The following AFDN variants were observed in gnomAD, a reference collection of about 807,000 sequenced individuals.
The protein encoded by AFDN is afadin, adherens junction formation factor, also known as afadin.
AFDN carries 68 observed loss-of-function variants against 216.6 expected under a neutral mutation model. The observed-to-expected ratio is 0.31, with a 90% CI of 0.26 to 0.38. The LOEUF is 0.38. AFDN is among the 10% of genes least tolerant of loss of function. The probability of loss-of-function intolerance (pLI) is 1.00; values close to 1 mark genes in which losing one functional copy is unlikely to be tolerated. For synonymous variants in AFDN, 868 were observed against 853.7 expected (o/e 1.02, Z -0.29); for missense variants, 2,136 against 2,342.0 (o/e 0.91, Z 1.82).
intron 7 of AFDN, among the ~76,000 whole-genome samples, chr6:167,889,550 C>T (rs1388458312): frequency 1.3e-5 from 2 of 148,258 alleles, no homozygotes; most frequent in African/African-American, 5.0e-5. Flanking sequence ...TCTCCTGCCT[C>T]AGCCTCCCGA....
Position 167,868,236 on chromosome 6 carries a change from A to G in AFDN, c.302-2150A>G, listed in dbSNP as rs1562579330. ...AGATAGTATCTGTAAAAGGCCCCTT[A>G]GAAAAACACATTTAAAACTGGGATC... On this transcript the variant is annotated intron_variant, in intron 2 of 33. Transcript: ENST00000683244. 1.3e-5 allele frequency among the ~76,000 whole-genome samples: 2 copies of G among 152,190 alleles called. 1 individual carries two copies. The highest frequency in any genetic ancestry group is 6.3e-3 in the Middle Eastern group (2 of 316).
chr6:167,947,023 A>G (rs1379744270), intron 27 of AFDN, 122 bp downstream of exon 27: 10 of 850,102 alleles, frequency 1.2e-5, no homozygotes, highest in African/African-American at 1.8e-5. Context: ...TAACTAGGAT[A>G]TGGTTTTCAT....
At chr6:167,829,951 CTG>C (rs1429158869) in intron 1 of AFDN, among the ~76,000 whole-genome samples, 3 of 152,106 alleles carry the variant, frequency 2.0e-5, no homozygotes, top group Admixed American at 2.0e-4. Flanking sequence ...CAGGCTATCA[CTG>C]GAGTATTTTT....
intron 5 of AFDN, among the ~76,000 whole-genome samples, chr6:167,878,091 AAATT>A (rs1785615223): frequency 6.6e-6 from 1 of 151,772 alleles, no homozygotes; most frequent in South Asian, 2.1e-4. Flanking sequence ...TTTCACTGAT[AAATT>A]AACAGAATTG....
chr6:167,845,628 G>A (rs185168899), intron 1 of AFDN, among the ~76,000 whole-genome samples: 14 of 152,168 alleles, frequency 9.2e-5, no homozygotes, highest in East Asian at 3.9e-4. Flanking sequence ...CGTCTGCCTC[G>A]GCTTCCCAAA....
intron 1 of AFDN, among the ~76,000 whole-genome samples, chr6:167,828,673 C>A: frequency 6.6e-6 from 1 of 150,476 alleles, no homozygotes; most frequent in East Asian, 1.9e-4. Context: ...ATTATGTTTT[C>A]TTTTAGAATA....
intron 14 of AFDN, 27 bp from the exon 15 acceptor site, chr6:167,911,257 T>C: frequency 6.2e-7 from 1 of 1,607,620 alleles, no homozygotes. Flanking sequence ...TTTTCCTTTT[T>C]TCTTTGTTTT....
chr6:167,864,613 A>G lies in AFDN; in HGVS notation c.168A>G (p.Ala56=). ...YFQDKAAGNF[A]TKCIRVSSTA... ...AAGATAAAGCTGCTGGAAACTTTGCAACAAAATGTATTCGGGTCTCTAGTA... is the reference window on the plus strand; with the variant it reads ...AAGATAAAGCTGCTGGAAACTTTGCGACAAAATGTATTCGGGTCTCTAGTA... The change falls in exon 2 of 34, where the codon GCA becomes GCG. Residue 56 remains alanine, a synonymous_variant. Transcript: ENST00000683244. 1 of 1,614,224 alleles carries G rather than the reference A, an allele frequency of 6.2e-7. No homozygotes were observed. The highest frequency in any genetic ancestry group is 8.5e-7 in the Non-Finnish European group (1 of 1,180,038).
intron 3 of AFDN, 83 bp downstream of exon 3, chr6:167,870,581 G>A: frequency 1.1e-5 from 8 of 718,984 alleles, no homozygotes; most frequent in Non-Finnish European, 1.8e-5. Flanking sequence ...TTTGTTACAG[G>A]AGTTCCTTCT....
chr6:167,839,274 G>A (rs1373087644), intron 1 of AFDN, among the ~76,000 whole-genome samples: 3 of 151,972 alleles, frequency 2.0e-5, no homozygotes, highest in South Asian at 4.2e-4. Context: ...ATGAACTGAT[G>A]CCTATGAACA....
intron 31 of AFDN, chr6:167,964,660 G>A (rs1583075093): frequency 9.9e-7 from 1 of 1,007,292 alleles, no homozygotes; most frequent in Non-Finnish European, 1.2e-6. Context: ...GTGTGTGTGT[G>A]TAGCTCTAGA....
chr6:167,953,805 C>T (rs1009081731), intron 30 of AFDN, among the ~76,000 whole-genome samples: 2 of 152,188 alleles, frequency 1.3e-5, no homozygotes, highest in Non-Finnish European at 2.9e-5. Context: ...AAGATGGATT[C>T]GTTAGGATCC....
At chr6:167,954,361 G>A in intron 30 of AFDN, 1 of 922,552 alleles carries the variant, frequency 1.1e-6, no homozygotes, top group Non-Finnish European at 1.6e-6. Flanking sequence ...ACGCATGATA[G>A]TGAGAAAATA....
At chr6:167,829,695 C>T (rs1163103281) in intron 1 of AFDN, among the ~76,000 whole-genome samples, 3 of 151,330 alleles carry the variant, frequency 2.0e-5, no homozygotes, top group Admixed American at 6.6e-5. Context: ...TTTTTGGGTA[C>T]AGTGATAAGT....
At chr6:167,852,030 TTTG>T (rs1231725082) in intron 1 of AFDN, among the ~76,000 whole-genome samples, 1 of 152,214 alleles carries the variant, frequency 6.6e-6, no homozygotes, top group Non-Finnish European at 1.5e-5. Flanking sequence ...CGTTCTTAAT[TTTG>T]TTGTTTTTAG....
At chr6:167,846,175 A>G (rs773540129) in intron 1 of AFDN, among the ~76,000 whole-genome samples, 1 of 151,924 alleles carries the variant, frequency 6.6e-6, no homozygotes, top group Non-Finnish European at 1.5e-5. Context: ...TTTTACATCT[A>G]GTAGGTAGCA....
intron 32 of AFDN, 82 bp downstream of exon 32, chr6:167,966,127 A>G: frequency 1.3e-6 from 2 of 1,535,618 alleles, no homozygotes; most frequent in Non-Finnish European, 1.7e-6. Flanking sequence ...CCCCCCTGCC[A>G]GCCACGCCCG....
chr6:167,889,139 A>G (rs1289420960), intron 6 of AFDN, 76 bp from the exon 7 acceptor site: 2 of 924,842 alleles, frequency 2.2e-6, no homozygotes, highest in Admixed American at 1.9e-5. Flanking sequence ...TTCAAAAGCA[A>G]TAAATGTGTT....
chr6:167,927,191 T>C (rs1792661157), intron 23 of AFDN, among the ~76,000 whole-genome samples: 1 of 152,128 alleles, frequency 6.6e-6, no homozygotes, highest in Non-Finnish European at 1.5e-5. Context: ...GAATGGGCGT[T>C]GTAGCGGTTG....
Sources: allele counts gnomAD v4.1 joint callset (sites outside exome capture counted in the v4.1 genomes callset), GRCh38; gene constraint gnomAD v4.1.1; transcripts MANE v1.5; gene names NCBI Gene and HGNC (gene_info 2026-07-23, HGNC 2026-07-21).